SORBS2: variants seen among roughly 807,000 people sequenced by gnomAD.
SORBS2 encodes the protein sorbin and SH3 domain-containing protein 2.
In SORBS2, 46 loss-of-function variants were observed where a neutral mutation model predicts 97.7. That is an observed-to-expected ratio of 0.47 (90% confidence interval 0.37 to 0.60). The LOEUF is 0.60. Ranked by LOEUF, SORBS2 falls within the 20% of genes least tolerant of loss-of-function variation. The pLI is 0.00. For synonymous variants in SORBS2, 476 were observed against 473.4 expected, an observed-to-expected ratio of 1.01 and a Z score of -0.07; for missense variants, 1,316 against 1,282.3, an observed-to-expected ratio of 1.03 and a Z score of -0.40.
chr4:185,915,702 GC>G (rs1561297384), intron 1 of SORBS2, among the ~76,000 whole-genome samples: 1 of 151,348 alleles, frequency 6.6e-6, no homozygotes, highest in East Asian at 1.9e-4. Flanking sequence ...AGGTCCTTCT[GC>G]CCCCCACCCC....
intron 1 of SORBS2, among the ~76,000 whole-genome samples, chr4:185,831,812 C>T (rs1484385312): frequency 6.6e-6 from 1 of 152,192 alleles, no homozygotes; most frequent in South Asian, 2.1e-4. Flanking sequence ...AAATACATTT[C>T]CTATTTTTCC....
At chr4:185,790,628 A>G (rs1040965644) in intron 1 of SORBS2, among the ~76,000 whole-genome samples, 2 of 152,240 alleles carry the variant, frequency 1.3e-5, no homozygotes, top group African/African-American at 4.8e-5. Context: ...GCAGCCATAT[A>G]TAAATAGATG....
At chr4:185,792,221 G>A (rs535266747) in intron 1 of SORBS2, among the ~76,000 whole-genome samples, 44 of 152,292 alleles carry the variant, frequency 2.9e-4, no homozygotes, top group African/African-American at 9.4e-4. Context: ...ATGGGACGGC[G>A]TGGTGGCTTA....
At chr4:185,682,376 A>G (rs1014157156) in intron 2 of SORBS2, among the ~76,000 whole-genome samples, 1 of 152,236 alleles carries the variant, frequency 6.6e-6, no homozygotes. Context: ...TGGTTTTGGC[A>G]TAGGTTTAAA....
intron 1 of SORBS2, among the ~76,000 whole-genome samples, chr4:185,835,793 T>C (rs1488644086): frequency 6.6e-6 from 1 of 151,818 alleles, no homozygotes; most frequent in Admixed American, 6.6e-5. Context: ...AAAACCTCCC[T>C]TGAAGGTGGG....
At chr4:185,727,659 G>A (rs2098567498) in intron 2 of SORBS2, among the ~76,000 whole-genome samples, 1 of 152,044 alleles carries the variant, frequency 6.6e-6, no homozygotes, top group South Asian at 2.1e-4. Flanking sequence ...TATTTATCAA[G>A]GTTATTAAAC....
At chr4:185,824,519 T>A (rs1018275808) in intron 1 of SORBS2, among the ~76,000 whole-genome samples, 1 of 152,152 alleles carries the variant, frequency 6.6e-6, no homozygotes, top group African/African-American at 2.4e-5. Context: ...ATAACAGTTA[T>A]GGTGTTACAG....
At chr4:185,587,213 A>G (rs2095810262) in exon 15 of SORBS2, 1 of 189,510 alleles carries the variant, frequency 5.3e-6, no homozygotes. Context: ...GCATTCCCCA[A>G]TAAACAATTT....
At chr4:185,831,513 A>G (rs557767579) in intron 1 of SORBS2, among the ~76,000 whole-genome samples, 1 of 152,324 alleles carries the variant, frequency 6.6e-6, no homozygotes, top group Admixed American at 6.5e-5. Flanking sequence ...AAGATGTTAG[A>G]ATAGGAAAGG....
rs556076500 is a variant in SORBS2 at position 185,838,304 on chromosome 4, A to G, written c.-337-62938T>C. ...TGAAGCCATGGCCGCAGCCTCTGCC[A>G]TCTCATCTCCTCACGCTGTGGGTTG... is the stretch of plus-strand genomic sequence containing the variant. On this transcript the variant is annotated intron_variant, in intron 1 of 20. Transcript: ENST00000284776. Among the ~76,000 whole-genome samples, 14 of 152,360 alleles carry G rather than the reference A, an allele frequency of 9.2e-5. No homozygotes were observed. In the South Asian group the frequency reaches 2.7e-3, roughly 29 times the overall value.
intron 2 of SORBS2, among the ~76,000 whole-genome samples, chr4:185,760,014 C>G (rs1183589240): frequency 1.3e-5 from 2 of 152,162 alleles, no homozygotes; most frequent in Non-Finnish European, 2.9e-5. Context: ...CACGTTGGCT[C>G]CTTGAAATGG....
At chr4:185,929,555 G>GTTGTTTTTTTTT in intron 1 of SORBS2, among the ~76,000 whole-genome samples, 1 of 145,354 alleles carries the variant, frequency 6.9e-6, no homozygotes, top group Non-Finnish European at 1.5e-5. Flanking sequence ...TTGAGACAGA[G>GTTGTTTTTTTTT]TCTCACTCTG....
chr4:185,909,520 C>T (rs1160584463), intron 1 of SORBS2, among the ~76,000 whole-genome samples: 2 of 151,840 alleles, frequency 1.3e-5, no homozygotes, highest in African/African-American at 2.4e-5. Flanking sequence ...TACACTCGTA[C>T]TTCTTAAATT....
At chr4:185,671,577 T>C (rs561589797) in intron 4 of SORBS2, among the ~76,000 whole-genome samples, 3 of 152,302 alleles carry the variant, frequency 2.0e-5, no homozygotes, top group African/African-American at 7.2e-5. Context: ...TGTGCTGTAA[T>C]AGCTCTCAAA....
chr4:185,678,615 TATTTTTATTTCCAAAATC>T, intron 3 of SORBS2, 68 bp from the exon 7 acceptor site: 13 of 1,427,930 alleles, frequency 9.1e-6, no homozygotes, highest in Non-Finnish European at 1.2e-5. Flanking sequence ...TTATAAAATT[TATTTTTATTTCCAAAATC>T]ATTTTTATTT....
At chr4:185,929,636 A>G (rs922634631) in intron 1 of SORBS2, among the ~76,000 whole-genome samples, 1 of 151,696 alleles carries the variant, frequency 6.6e-6, no homozygotes. Context: ...CCCGGGTTCA[A>G]GAGATTCTCC....
chr4:185,851,359 A>G (rs760507286), intron 1 of SORBS2, among the ~76,000 whole-genome samples: 27 of 152,164 alleles, frequency 1.8e-4, no homozygotes, highest in Non-Finnish European at 3.8e-4. Flanking sequence ...AAGTGGTTCC[A>G]TATTCTTTTA....
chr4:185,741,375 C>A (rs1438656652), intron 2 of SORBS2, among the ~76,000 whole-genome samples: 1 of 147,288 alleles, frequency 6.8e-6, no homozygotes, highest in Non-Finnish European at 1.5e-5. Flanking sequence ...CCTCTCCTCA[C>A]TTTTCTTTCT....
intron 1 of SORBS2, among the ~76,000 whole-genome samples, chr4:185,879,003 GTTT>G (rs2099235206): frequency 1.3e-5 from 2 of 152,006 alleles, no homozygotes; most frequent in Non-Finnish European, 2.9e-5. Flanking sequence ...ACTCGGCTTT[GTTT>G]TTGTTTGTTT....
Sources: allele counts gnomAD v4.1 joint callset (sites outside exome capture counted in the v4.1 genomes callset), GRCh38; gene constraint gnomAD v4.1.1; transcripts MANE v1.5; gene names NCBI Gene and HGNC (gene_info 2026-07-23, HGNC 2026-07-21).